The following KDM4B variants were observed in gnomAD, a reference collection of about 807,000 sequenced individuals.
KDM4B encodes lysine demethylase 4B, also known as lysine-specific demethylase 4B.
A neutral mutation model predicts 125.2 loss-of-function variants in KDM4B; 32 were observed. The ratio of observed to expected loss-of-function variants is 0.26; its 90% CI spans 0.19 to 0.34. KDM4B has a LOEUF of 0.34. Among genes scored for constraint, KDM4B ranks in the 10% least tolerant of loss-of-function variants. The pLI is 1.00. For synonymous variants in KDM4B, 721 were observed against 677.9 expected, an observed-to-expected ratio of 1.06 and a Z score of -0.99; for missense variants, 1,190 against 1,577.7, an observed-to-expected ratio of 0.75 and a Z score of 4.16.
rs934166276 is a variant in KDM4B at position 5,035,053 on chromosome 19, G to C, written c.141+2022G>C. Among the ~76,000 whole-genome samples, 1 of 152,180 alleles carries C rather than the reference G, an allele frequency of 6.6e-6. No individual in the cohort carries two copies. Among genetic ancestry groups the C allele is most frequent in the Non-Finnish European group, 1.5e-5 (1 of 68,030 alleles). On this transcript the variant is annotated intron_variant, in intron 3 of 22. Coordinates refer to ENST00000159111, the MANE Select transcript of KDM4B (RefSeq NM_015015.3). The surrounding 1 kb of genome is among the most constrained non-coding windows in gnomAD (Gnocchi z 5.3). ...GGCACATCTGTGTCCGGGTCAGAAC[G>C]GTGGGGGCTGCTGCCGTCCCGGCTT...
rs557531365 is a variant in KDM4B at position 5,067,551 on chromosome 19, G to A, written c.627-3459G>A. Reference sequence around the variant, plus strand: ...GGTGAGAGGTGGTCAGCCCTTGCGGGGTCCCGGGGAGGTTGACAGAGTCAG... The same window carrying A: ...GGTGAGAGGTGGTCAGCCCTTGCGGAGTCCCGGGGAGGTTGACAGAGTCAG... On this transcript the variant is annotated intron_variant, in intron 6 of 22. Coordinates refer to ENST00000159111, the MANE Select transcript of KDM4B (RefSeq NM_015015.3). Among the ~76,000 whole-genome samples the A allele has an allele frequency of 3.9e-5, 6 of 152,178 alleles. No homozygotes were observed. In the South Asian group the frequency reaches 8.3e-4, roughly 21 times the overall value.
At position 5,082,849 on chromosome 19, in the gene KDM4B, TC is replaced by T. The variant is rs553423609; in HGVS notation, c.918+351del. 4.1e-4 allele frequency among the ~76,000 whole-genome samples: 62 copies of T among 151,040 alleles called. No homozygotes were observed. The highest frequency in any genetic ancestry group is 1.4e-3 in the African/African-American group (59 of 41,446). On this transcript the variant is annotated intron_variant, in intron 9 of 22. Transcript: ENST00000159111. The surrounding 1 kb of genome is among the most constrained non-coding windows in gnomAD (Gnocchi z 5.4). ...GGTGTTTCCTCCACCAGCACCATTG[TC>T]CCCCCTGCTGGCTGGCTCCTGGGCA...
At chr19:5,094,842 G>A (rs892291316) in intron 9 of KDM4B, among the ~76,000 whole-genome samples, 6 of 152,206 alleles carry the variant, frequency 3.9e-5, no homozygotes, top group Non-Finnish European at 2.9e-5. Context: ...CAGGCCAGCC[G>A]CGGGTCAAGC....
Position 5,151,633 on chromosome 19 carries a change from C to T in KDM4B, c.*122C>T, listed in dbSNP as rs937026979. On this transcript the variant is annotated 3_prime_UTR_variant, in exon 23 of 23. Transcript: ENST00000159111. ...CCCCCGAGAGGCCACCTCCAAGCCG[C>T]GGGTGCCCCCTAGGGCGACAGGAGC... 3 of 907,072 alleles carry T rather than the reference C, an allele frequency of 3.3e-6. No individual in the cohort carries two copies. The highest frequency in any genetic ancestry group is 4.4e-5 in the South Asian group (1 of 22,602). The allele number at this position is 907,072 out of a possible 1,614,324, so 56.2% of individuals were successfully genotyped here.
chr19:5,044,664 C>T (rs965377703), intron 5 of KDM4B, among the ~76,000 whole-genome samples: 1 of 152,156 alleles, frequency 6.6e-6, no homozygotes, highest in Non-Finnish European at 1.5e-5. Context: ...TCTCCTGCCT[C>T]AGCCTCCCGA....
At chr19:5,128,903 G>A (rs948360986) in intron 11 of KDM4B, among the ~76,000 whole-genome samples, 9 of 151,920 alleles carry the variant, frequency 5.9e-5, no homozygotes, top group South Asian at 2.1e-4. Flanking sequence ...GGATACCAGC[G>A]GAGGGGAAGA....
At chr19:5,104,321 C>T (rs1328775991) in intron 9 of KDM4B, among the ~76,000 whole-genome samples, 2 of 152,198 alleles carry the variant, frequency 1.3e-5, no homozygotes, top group Non-Finnish European at 2.9e-5. Context: ...AGGGCAGGGC[C>T]CAGCGTTGCA....
At chr19:5,002,390 C>G (rs542659047) in intron 1 of KDM4B, among the ~76,000 whole-genome samples, 1 of 151,130 alleles carries the variant, frequency 6.6e-6, no homozygotes, top group South Asian at 2.1e-4. Context: ...TTTTCTTTCT[C>G]CTTTCCTTTC....
At chr19:5,080,153 A>C (rs1481083506) in intron 8 of KDM4B, among the ~76,000 whole-genome samples, 2 of 152,170 alleles carry the variant, frequency 1.3e-5, no homozygotes, top group African/African-American at 4.8e-5. Flanking sequence ...ACTTCCCTTG[A>C]TTGGTGCAAT....
At chr19:5,037,757 T>C (rs2036675538) in intron 3 of KDM4B, among the ~76,000 whole-genome samples, 1 of 152,156 alleles carries the variant, frequency 6.6e-6, no homozygotes, top group Admixed American at 6.5e-5. Flanking sequence ...GCACCCTCAG[T>C]CGTGAAAGCC....
At chr19:5,030,147 C>T (rs2036406413) in intron 2 of KDM4B, among the ~76,000 whole-genome samples, 2 of 152,158 alleles carry the variant, frequency 1.3e-5, no homozygotes, top group Admixed American at 1.3e-4. Flanking sequence ...ATCACTGTCA[C>T]CCAGGCTGGA....
chr19:4,982,362 G>A lies in KDM4B; in HGVS notation c.-109+13132G>A, dbSNP rs530157076. ...AGCTACTCAGGAGGCTGAGGTATAA[G>A]AATCTCTTGAACCTGAGAGGCGGAG... is the stretch of plus-strand genomic sequence containing the variant. On this transcript the variant is annotated intron_variant, in intron 1 of 22. Transcript: ENST00000159111. Among the ~76,000 whole-genome samples, 9 of 142,166 alleles carry A rather than the reference G, an allele frequency of 6.3e-5. No homozygotes were observed. The South Asian group carries it at 1.9e-3, about 30-fold the overall frequency. The allele number at this position is 142,166 out of a possible 152,430, so 93.3% of individuals were successfully genotyped here.
At chr19:5,006,411 G>T (rs535193202) in intron 1 of KDM4B, among the ~76,000 whole-genome samples, 1 of 152,056 alleles carries the variant, frequency 6.6e-6, no homozygotes, top group Non-Finnish European at 1.5e-5. Flanking sequence ...TTTCTGACTC[G>T]TGTTGCCACA....
intron 3 of KDM4B, among the ~76,000 whole-genome samples, chr19:5,038,234 G>T (rs1028409843): frequency 6.6e-6 from 1 of 152,220 alleles, no homozygotes; most frequent in Admixed American, 6.6e-5. Flanking sequence ...GCCCCGGAGC[G>T]GCTGGGAGGG....
intron 1 of KDM4B, among the ~76,000 whole-genome samples, chr19:5,002,573 C>CA (rs1260688001): frequency 6.6e-6 from 1 of 151,252 alleles, no homozygotes; most frequent in East Asian, 2.0e-4. Context: ...ACGCTGGTCT[C>CA]AAACTCCTGG....
At chr19:5,146,939 C>CA (rs1182135277) in intron 21 of KDM4B, among the ~76,000 whole-genome samples, 17,737 of 60,590 alleles carry the variant, frequency 0.29, 1,939 homozygotes, top group East Asian at 0.39. Flanking sequence ...ACCCTGTCTC[C>CA]AAAAAAAAAA....
intron 6 of KDM4B, among the ~76,000 whole-genome samples, chr19:5,048,532 C>T (rs116087028): frequency 0.014 from 2,076 of 150,210 alleles, 56 homozygotes; most frequent in South Asian, 0.065. Flanking sequence ...GAGGACGGAG[C>T]CTTTGCCTGG....
chr19:5,008,906 CTTTTTTTT>C (rs200928850), intron 1 of KDM4B, among the ~76,000 whole-genome samples: 1 of 104,466 alleles, frequency 9.6e-6, no homozygotes, highest in African/African-American at 4.7e-5. Flanking sequence ...TGGCCCCTGC[CTTTTTTTT>C]TTTTTTTTTT....
In KDM4B at chr19:5,103,235, C is replaced by T. The variant is rs556539695; in HGVS notation, c.919-7387C>T. On this transcript the variant is annotated intron_variant, in intron 9 of 22. Coordinates refer to ENST00000159111, the MANE Select transcript of KDM4B (RefSeq NM_015015.3). ...CCCGCTCTCTGCAGCAGGCACCACA[C>T]GAGCCAATTTCGCTTGGCACGACGT... Among the ~76,000 whole-genome samples the T allele has an allele frequency of 1.2e-3, 187 of 152,350 alleles. 1 individual carries two copies. Among genetic ancestry groups the T allele is most frequent in the Non-Finnish European group, 6.5e-4 (44 of 68,030 alleles).
Sources: allele counts gnomAD v4.1 joint callset (sites outside exome capture counted in the v4.1 genomes callset), GRCh38; gene constraint gnomAD v4.1.1; non-coding constraint Gnocchi (gnomAD v3.1); transcripts MANE v1.5; gene names NCBI Gene and HGNC (gene_info 2026-07-23, HGNC 2026-07-21).